LIMCH1: variants seen among roughly 807,000 people sequenced by gnomAD.
LIMCH1 encodes the protein LIM and calponin homology domains 1.
A neutral mutation model predicts 176.5 loss-of-function variants in LIMCH1; 113 were observed. That is an observed-to-expected ratio of 0.64 (90% CI 0.55 to 0.75). LIMCH1 has a LOEUF of 0.75. LIMCH1 is among the 30% of genes least tolerant of loss of function. The pLI is 0.00. For synonymous variants in LIMCH1, 619 were observed against 645.9 expected (o/e 0.96, Z 0.63); for missense variants, 1,674 against 1,814.9 (o/e 0.92, Z 1.41).
chr4:41,566,436 A>C (rs2082783178), intron 1 of LIMCH1, among the ~76,000 whole-genome samples: 1 of 152,110 alleles, frequency 6.6e-6, no homozygotes, highest in Admixed American at 6.6e-5. Context: ...GCTTTGAGTG[A>C]GGTTTTGAAT....
chr4:41,695,621 G>A (rs150441054), intron 31 of LIMCH1, among the ~76,000 whole-genome samples: 16 of 151,786 alleles, frequency 1.1e-4, no homozygotes, highest in African/African-American at 3.6e-4. Flanking sequence ...TTTAATATTG[G>A]GTAATAAGGG....
At chr4:41,410,167 T>C (rs2059352497) in intron 1 of LIMCH1, among the ~76,000 whole-genome samples, 1 of 152,124 alleles carries the variant, frequency 6.6e-6, no homozygotes, top group South Asian at 2.1e-4. Flanking sequence ...ATTTTAGCAG[T>C]AGCCCAAGAG....
At chr4:41,491,574 T>C (rs914736686) in intron 1 of LIMCH1, among the ~76,000 whole-genome samples, 1 of 137,086 alleles carries the variant, frequency 7.3e-6, no homozygotes, top group African/African-American at 2.8e-5. Context: ...TCCCAGACGA[T>C]GAGCGGTCAG....
At chr4:41,634,349 A>G (rs2093472034) in intron 13 of LIMCH1, among the ~76,000 whole-genome samples, 1 of 152,196 alleles carries the variant, frequency 6.6e-6, no homozygotes, top group South Asian at 2.1e-4. Flanking sequence ...CTGTCTTGCC[A>G]TTTAATAAAA....
intron 1 of LIMCH1, among the ~76,000 whole-genome samples, chr4:41,370,468 G>A (rs983501746): frequency 4.6e-5 from 7 of 152,076 alleles, no homozygotes; most frequent in Non-Finnish European, 1.0e-4. Context: ...TAATTGTCAT[G>A]ACCCAATGGG....
At chr4:41,447,373 G>A (rs1161966059) in intron 1 of LIMCH1, among the ~76,000 whole-genome samples, 1 of 152,190 alleles carries the variant, frequency 6.6e-6, no homozygotes, top group Non-Finnish European at 1.5e-5. Flanking sequence ...TCTTTAACAG[G>A]ATCACTGTTC....
At position 41,650,459 on chromosome 4, in the gene LIMCH1, C is replaced by G. The variant is rs2094246115; in HGVS notation, c.2887C>G (p.Pro963Ala). Residue 963 changes from proline to alanine, a missense_variant, in exon 18 of 32, where the codon CCC (proline) becomes GCC (alanine). Pro to Ala is a conservative substitution (Grantham distance 27). Transcript: ENST00000503057. ...AGAGGAGGAGAAGGAAAGAGAGTGT[C>G]CCACGGTGGCACCTGCCCACTCCTT... ...HREEEKEREC[P>A]TVAPAHSLTK... 1.2e-6 allele frequency: 2 copies of G among 1,614,030 alleles called. No individual in the cohort carries two copies. Among genetic ancestry groups the G allele is most frequent in the African/African-American group, 1.3e-5 (1 of 75,006 alleles).
At chr4:41,520,380 C>T (rs2076002731) in intron 2 of LIMCH1, among the ~76,000 whole-genome samples, 1 of 152,172 alleles carries the variant, frequency 6.6e-6, no homozygotes, top group South Asian at 2.1e-4. Flanking sequence ...TGGCTAAAGT[C>T]TCTTGTTCCT....
At chr4:41,454,779 C>A (rs2064332671) in intron 1 of LIMCH1, among the ~76,000 whole-genome samples, 1 of 152,162 alleles carries the variant, frequency 6.6e-6, no homozygotes, top group Non-Finnish European at 1.5e-5. Flanking sequence ...GATTATTAGG[C>A]TGTTTTCAAT....
intron 5 of LIMCH1, among the ~76,000 whole-genome samples, chr4:41,616,191 T>C (rs891547520): frequency 6.6e-5 from 10 of 151,936 alleles, no homozygotes; most frequent in Non-Finnish European, 1.5e-4. Context: ...AAACAAGTAA[T>C]GAGAGAAATC....
chr4:41,560,519 A>G (rs1174472143), intron 1 of LIMCH1, among the ~76,000 whole-genome samples: 3 of 152,036 alleles, frequency 2.0e-5, no homozygotes, highest in East Asian at 1.9e-4. Context: ...CCCTCCCTCA[A>G]ATGTGCTTGC....
At chr4:41,562,935 A>G (rs749606440) in intron 1 of LIMCH1, among the ~76,000 whole-genome samples, 1 of 152,186 alleles carries the variant, frequency 6.6e-6, no homozygotes, top group Non-Finnish European at 1.5e-5. Context: ...GCAGAATGTT[A>G]TGAAAGGATT....
rs114893208 is a variant in LIMCH1, at chr4:41,529,339, T to C, written c.237+4861T>C. ...GATTTGAATTGTGACAGCCGTCGTG[T>C]GTGCACATATGCACATGTGAAGTAT... On this transcript the variant is annotated intron_variant, in intron 3 of 26. Coordinates refer to the LIMCH1 transcript ENST00000313860. Among the ~76,000 whole-genome samples, 1,491 of 152,364 alleles carry C rather than the reference T, an allele frequency of 9.8e-3. 12 individuals are homozygous for C. Among genetic ancestry groups the C allele is most frequent in the Non-Finnish European group, 0.014 (958 of 68,034 alleles).
At chr4:41,493,345 T>A (rs2071446356) in intron 1 of LIMCH1, among the ~76,000 whole-genome samples, 1 of 152,174 alleles carries the variant, frequency 6.6e-6, no homozygotes, top group Admixed American at 6.5e-5. Context: ...TAGCTATAAC[T>A]TTATTTTGCT....
intron 3 of LIMCH1, among the ~76,000 whole-genome samples, chr4:41,524,809 C>T (rs1411626477): frequency 1.3e-5 from 2 of 152,184 alleles, no homozygotes; most frequent in African/African-American, 4.8e-5. Context: ...CAGTTCATCA[C>T]TGCATTCCCC....
chr4:41,539,109 G>T (rs926805143), intron 1 of LIMCH1, among the ~76,000 whole-genome samples: 1 of 152,186 alleles, frequency 6.6e-6, no homozygotes, highest in Non-Finnish European at 1.5e-5. Flanking sequence ...AAATCAGGTT[G>T]AAACAGAGCC....
At chr4:41,581,631 C>G (rs934215630) in intron 1 of LIMCH1, among the ~76,000 whole-genome samples, 4 of 151,836 alleles carry the variant, frequency 2.6e-5, no homozygotes, top group African/African-American at 7.3e-5. Context: ...ATGGTGAAAC[C>G]CTGTCTCTAC....
chr4:41,625,379 T>C (rs1452596310), intron 7 of LIMCH1, among the ~76,000 whole-genome samples: 1 of 152,230 alleles, frequency 6.6e-6, no homozygotes, highest in Non-Finnish European at 1.5e-5. Context: ...TTTAAGTATT[T>C]TGATACCTAG....
Position 41,678,178 on chromosome 4 carries a change from A to G in LIMCH1, c.3519+1716A>G, listed in dbSNP as rs115593919. ...TCATCTCCCACTTATGAGTGAGAAC[A>G]TGCAGTGCGTAGAAAGCAATGCTTA... On this transcript the variant is annotated intron_variant, in intron 23 of 31. Coordinates refer to ENST00000503057, the MANE Select transcript of LIMCH1 (RefSeq NM_001330672.2). Among the ~76,000 whole-genome samples the G allele has an allele frequency of 5.7e-3, 857 of 151,176 alleles. 6 individuals carry two copies. The highest frequency in any genetic ancestry group is 8.0e-3 in the Non-Finnish European group (543 of 67,852).
Sources: allele counts gnomAD v4.1 joint callset (sites outside exome capture counted in the v4.1 genomes callset), GRCh38; gene constraint gnomAD v4.1.1; transcripts MANE v1.5; gene names NCBI Gene and HGNC (gene_info 2026-07-23, HGNC 2026-07-21).